Variants in LINGO2 observed in about 807,000 individuals in gnomAD.
The protein encoded by LINGO2 is leucine rich repeat and Ig domain containing 2.
In LINGO2, 14 loss-of-function variants were observed where a neutral mutation model predicts 30.6. The observed-to-expected ratio is 0.46, with a 90% CI of 0.30 to 0.72. The LOEUF is 0.72. Ranked by LOEUF, LINGO2 falls within the 30% of genes least tolerant of loss-of-function variation. LINGO2 has a pLI of 0.07. For missense variants in LINGO2, 729 were observed against 751.7 expected (o/e 0.97, Z 0.35); for synonymous variants, 317 against 288.5 (o/e 1.10, Z -1.00).
chr9:28,934,898 C>A, the LINGO2 span, among the ~76,000 whole-genome samples: 1 of 152,038 alleles, frequency 6.6e-6, no homozygotes, highest in African/African-American at 2.4e-5. Flanking sequence ...ATCATTATAA[C>A]AGTGCTGTCC....
intron 3 of LINGO2, among the ~76,000 whole-genome samples, chr9:28,334,836 T>C (rs973646869): frequency 7.9e-5 from 12 of 152,142 alleles, no homozygotes; most frequent in Non-Finnish European, 1.0e-4. Flanking sequence ...TTCAGACAGC[T>C]ATGAAGAGAG....
the LINGO2 span, among the ~76,000 whole-genome samples, chr9:29,202,041 C>T: frequency 6.6e-6 from 1 of 151,850 alleles, no homozygotes. Flanking sequence ...TCTAAATGTT[C>T]TAAAAATCAC....
the LINGO2 span, among the ~76,000 whole-genome samples, chr9:29,060,862 T>G: frequency 6.6e-6 from 1 of 151,624 alleles, no homozygotes; most frequent in Non-Finnish European, 1.5e-5. Flanking sequence ...AGAAAAATGA[T>G]AGGAAAAAAA....
intron 3 of LINGO2, among the ~76,000 whole-genome samples, chr9:28,343,897 T>TA (rs1819462103): frequency 6.6e-6 from 1 of 152,086 alleles, no homozygotes. Context: ...ACCCTCCAAA[T>TA]AAAATGTCTC....
the LINGO2 span, among the ~76,000 whole-genome samples, chr9:28,695,180 C>A: frequency 6.6e-6 from 1 of 151,802 alleles, no homozygotes; most frequent in Non-Finnish European, 1.5e-5. Flanking sequence ...TCAGGCCAAA[C>A]CCTATTTAAA....
At chr9:28,532,580 TC>T (rs1319179987) in intron 1 of LINGO2, among the ~76,000 whole-genome samples, 2 of 152,096 alleles carry the variant, frequency 1.3e-5, no homozygotes, top group African/African-American at 4.8e-5. Flanking sequence ...TATGTATTTA[TC>T]ATATACTTAT....
At chr9:28,988,427 G>C in the LINGO2 span, among the ~76,000 whole-genome samples, 3 of 152,188 alleles carry the variant, frequency 2.0e-5, no homozygotes, top group East Asian at 5.8e-4. Flanking sequence ...GTCCCTGAAA[G>C]TAAGGTGAGA....
chr9:28,953,764 G>C, the LINGO2 span, among the ~76,000 whole-genome samples: 1 of 151,930 alleles, frequency 6.6e-6, no homozygotes, highest in Non-Finnish European at 1.5e-5. Context: ...TGATAGCATA[G>C]CAACATTTTA....
At chr9:28,031,277 C>G (rs893321396) in intron 4 of LINGO2, among the ~76,000 whole-genome samples, 4 of 151,648 alleles carry the variant, frequency 2.6e-5, no homozygotes, top group African/African-American at 7.3e-5. Context: ...TAAAATGGGA[C>G]CATCCACCAT....
intron 3 of LINGO2, among the ~76,000 whole-genome samples, chr9:28,367,290 C>T (rs1820716327): frequency 6.6e-6 from 1 of 152,144 alleles, no homozygotes; most frequent in Non-Finnish European, 1.5e-5. Flanking sequence ...AACATCTTCT[C>T]TTAATATGTG....
chr9:28,549,877 C>A (rs1822182711), intron 1 of LINGO2, among the ~76,000 whole-genome samples: 1 of 151,300 alleles, frequency 6.6e-6, no homozygotes, highest in Non-Finnish European at 1.5e-5. Flanking sequence ...TCATTTTACC[C>A]TCCATTTTTG....
intron 3 of LINGO2, among the ~76,000 whole-genome samples, chr9:28,345,029 G>C (rs1234366388): frequency 6.6e-6 from 1 of 151,870 alleles, no homozygotes; most frequent in Non-Finnish European, 1.5e-5. Flanking sequence ...ATAAAATCTG[G>C]CATCATTCCC....
At chr9:27,973,600 T>C (rs1428613944) in intron 5 of LINGO2, among the ~76,000 whole-genome samples, 1 of 152,182 alleles carries the variant, frequency 6.6e-6, no homozygotes, top group East Asian at 1.9e-4. Flanking sequence ...GTGGTCAGTA[T>C]GTTTCCTAGG....
At chr9:28,910,254 T>C in the LINGO2 span, among the ~76,000 whole-genome samples, 1 of 152,036 alleles carries the variant, frequency 6.6e-6, no homozygotes, top group Non-Finnish European at 1.5e-5. Context: ...ATTTGCTTTA[T>C]GTTAAACTAC....
chr9:29,108,652 A>G, the LINGO2 span, among the ~76,000 whole-genome samples: 36,166 of 152,116 alleles, frequency 0.24, 4,434 homozygotes, highest in East Asian at 0.4. Flanking sequence ...ATCAGCTGAC[A>G]GGATAAGGTG....
chr9:28,262,796 T>C (rs1185895389), intron 4 of LINGO2, among the ~76,000 whole-genome samples: 1 of 152,002 alleles, frequency 6.6e-6, no homozygotes, highest in Non-Finnish European at 1.5e-5. Context: ...CTATTCTCTA[T>C]TTCTTTAGAA....
the LINGO2 span, among the ~76,000 whole-genome samples, chr9:28,834,147 T>C: frequency 6.6e-6 from 1 of 152,126 alleles, no homozygotes; most frequent in African/African-American, 2.4e-5. Context: ...AAGTTTGATC[T>C]CTTATCAGAG....
At chr9:28,169,526 C>T (rs768817055) in intron 4 of LINGO2, among the ~76,000 whole-genome samples, 1 of 152,154 alleles carries the variant, frequency 6.6e-6, no homozygotes, top group African/African-American at 2.4e-5. Flanking sequence ...TATTCACTAA[C>T]GTATCCATTC....
chr9:29,099,513 G>A, the LINGO2 span, among the ~76,000 whole-genome samples: 3 of 151,966 alleles, frequency 2.0e-5, no homozygotes, highest in Non-Finnish European at 2.9e-5. Context: ...CAAAATATAT[G>A]AGGAGAGCAA....
Sources: gnomAD v4.1 joint callset for allele counts (sites outside exome capture counted in the v4.1 genomes callset) on GRCh38, gnomAD v4.1.1 for gene constraint, MANE v1.5 for transcripts, NCBI Gene and HGNC (gene_info 2026-07-23, HGNC 2026-07-21) for gene names.